SHQ1: variants seen among roughly 807,000 people sequenced by gnomAD.
The protein encoded by SHQ1 is SHQ1, H/ACA ribonucleoprotein assembly factor, also known as protein SHQ1 homolog.
In SHQ1, 49 loss-of-function variants were observed where a neutral mutation model predicts 53.8. That is an observed-to-expected ratio of 0.91 (90% CI 0.72 to 1.16). The LOEUF is 1.16. Ranked by LOEUF, SHQ1 falls within the 50% of genes most tolerant of loss-of-function variation. The pLI is 0.00. For missense variants in SHQ1, 738 were observed against 683.1 expected, an observed-to-expected ratio of 1.08 and a Z score of -0.90; for synonymous variants, 243 against 251.0, an observed-to-expected ratio of 0.97 and a Z score of 0.30.
chr3:72,788,501 G>A (rs1052369905), intron 10 of SHQ1, among the ~76,000 whole-genome samples: 2 of 152,062 alleles, frequency 1.3e-5, no homozygotes, highest in African/African-American at 2.4e-5. Context: ...CGGGAGGTAG[G>A]GGGGGCGCCT....
At chr3:72,834,019 A>G (rs1707917452) in intron 4 of SHQ1, among the ~76,000 whole-genome samples, 1 of 152,278 alleles carries the variant, frequency 6.6e-6, no homozygotes, top group Admixed American at 6.5e-5. Flanking sequence ...AGGCAAGTTT[A>G]AAAGTTGATG....
intron 10 of SHQ1, among the ~76,000 whole-genome samples, chr3:72,776,071 A>G (rs193209152): frequency 1.3e-3 from 192 of 152,376 alleles, no homozygotes; most frequent in African/African-American, 4.3e-3. Context: ...TAAAGACTGA[A>G]AAGGAAGAAA....
rs185430467 is a variant in SHQ1, at chr3:72,754,278, G to A, written c.1182-3442C>T. Among the ~76,000 whole-genome samples, 6 of 152,136 alleles carry A rather than the reference G, an allele frequency of 3.9e-5. No homozygotes were observed. The East Asian group carries it at 5.8e-4, about 15-fold the overall frequency. ...CACTCAGCCAACAAGGGGCGGTCAC[G>A]ACTGGAAACCCAAGCCTCAAAACTC... On this transcript the variant is annotated intron_variant, in intron 10 of 10. Transcript: ENST00000325599.
rs187599687 is a variant in SHQ1 at position 72,841,512 on chromosome 3, T to C, written c.332-313A>G. The stretch of plus-strand genomic sequence containing the variant: ...AAGAACACATACTGTATGATCTACA[T>C]ATGCAACGTAAAAACAGGCAAAACA... On this transcript the variant is annotated intron_variant, in intron 3 of 10. Transcript: ENST00000325599. Among the ~76,000 whole-genome samples, 293 of 152,232 alleles carry C rather than the reference T, an allele frequency of 1.9e-3. 2 individuals carry two copies. The highest frequency in any genetic ancestry group is 6.6e-3 in the African/African-American group (276 of 41,556).
Position 72,751,496 on chromosome 3 carries a change from G to A in SHQ1, c.1182-660C>T, listed in dbSNP as rs1390815550. ...CACATATGTGTGTGTGTGTGTGTGT[G>A]TGTGTGTGTGTGTATATATATATAT... On this transcript the variant is annotated intron_variant, in intron 10 of 10. Transcript: ENST00000325599. 1.9e-3 allele frequency among the ~76,000 whole-genome samples: 217 copies of A among 117,078 alleles called. 2 individuals carry two copies. The highest frequency in any genetic ancestry group is 7.3e-3 in the African/African-American group (169 of 23,310). 76.8% of individuals were successfully genotyped at this position (117,078 alleles called of 152,430 possible). A position where few individuals can be genotyped will look rare whatever the true frequency, so the allele number is the denominator to read the frequency against.
At chr3:72,737,559 C>G in the SHQ1 span, among the ~76,000 whole-genome samples, 1 of 152,234 alleles carries the variant, frequency 6.6e-6, no homozygotes, top group East Asian at 1.9e-4. Context: ...CAAAATTTGC[C>G]AATGCTCAAG....
At chr3:72,826,809 G>C (rs1015703425) in intron 5 of SHQ1, among the ~76,000 whole-genome samples, 3 of 152,196 alleles carry the variant, frequency 2.0e-5, no homozygotes, top group Non-Finnish European at 4.4e-5. Flanking sequence ...AAAAAAAGTT[G>C]AAAGAAGCTG....
intron 6 of SHQ1, among the ~76,000 whole-genome samples, chr3:72,822,015 C>T (rs1707492822): frequency 6.6e-6 from 1 of 152,168 alleles, no homozygotes; most frequent in Non-Finnish European, 1.5e-5. Flanking sequence ...TGATTTTACT[C>T]TACAATAATA....
intron 10 of SHQ1, among the ~76,000 whole-genome samples, chr3:72,787,443 AAAG>A (rs1378715363): frequency 1.3e-5 from 2 of 152,208 alleles, no homozygotes; most frequent in Non-Finnish European, 2.9e-5. Flanking sequence ...AGCAAAAACA[AAAG>A]AACACCGTTC....
At chr3:72,738,288 C>CAA in the SHQ1 span, among the ~76,000 whole-genome samples, 1 of 152,084 alleles carries the variant, frequency 6.6e-6, no homozygotes, top group African/African-American at 2.4e-5. Context: ...CTGCTGAAAA[C>CAA]GAGGCAAGGT....
At chr3:72,745,834 T>C (rs1705249249), downstream of SHQ1, among the ~76,000 whole-genome samples, 1 of 150,038 alleles carries the variant, frequency 6.7e-6, no homozygotes, top group Non-Finnish European at 1.5e-5. Context: ...CCTGATCTCA[T>C]CTATTCCTTT....
Position 72,842,342 on chromosome 3 carries a change from A to G in SHQ1, c.269T>C (p.Met90Thr). The G allele has an allele frequency of 6.2e-7, 1 of 1,614,006 alleles. No homozygotes were observed. The highest frequency in any genetic ancestry group is 8.5e-7 in the Non-Finnish European group (1 of 1,179,900). ...TCTTGGTGCCAGAAGAGCAGTTAAC[A>G]TGTTCAGCCCCTCAAAATGCTGGCC... ...TPGQHFEGLN[M>T]LTALLAPRKS... The change falls in exon 3 of 11, where the codon ATG becomes ACG. Residue 90 changes from methionine (M) to threonine (T), a missense_variant. By Grantham distance (81) the Met-to-Thr change is moderately conservative. Transcript: ENST00000325599.
rs1263643055 is a variant in SHQ1 at position 72,817,285 on chromosome 3, A to G, written c.827T>C (p.Ile276Thr). 2 of 1,613,708 alleles carry G rather than the reference A, an allele frequency of 1.2e-6. No individual in the cohort carries two copies. Among genetic ancestry groups the G allele is most frequent in the Admixed American group, 1.7e-5 (1 of 59,994 alleles). ...RACRQVCYSL[I>T]DILLAYCYET... The stretch of plus-strand genomic sequence containing the variant: ...ATAGCAATATGCCAGAAGGATATCA[A>G]TCAAACTGTAGCACACTTGACGACA... Residue 276 changes from isoleucine to threonine, a missense_variant, in exon 7 of 11, where the codon ATT (isoleucine) becomes ACT (threonine). Ile to Thr is a moderately conservative substitution (Grantham distance 89, BLOSUM62 -1). Coordinates refer to ENST00000325599, the MANE Select transcript of SHQ1 (RefSeq NM_018130.3).
intron 6 of SHQ1, among the ~76,000 whole-genome samples, chr3:72,819,975 T>C (rs1707427352): frequency 6.6e-6 from 1 of 152,212 alleles, no homozygotes; most frequent in African/African-American, 2.4e-5. Context: ...TAGGTATGGT[T>C]TTTGAGATGT....
rs556768844 is a variant in SHQ1 at position 72,802,831 on chromosome 3, AC to A, written c.1061-9796del. On this transcript the variant is annotated intron_variant, in intron 9 of 10. Transcript: ENST00000325599. Reference sequence around the variant, plus strand: ...TGAAATCCTATCACTCATCTCCTCCACCCTGACCAGGCTCTGGCTGACAAGA... The same window carrying A: ...TGAAATCCTATCACTCATCTCCTCCACCTGACCAGGCTCTGGCTGACAAGA... Among the ~76,000 whole-genome samples the A allele has an allele frequency of 3.0e-4, 46 of 152,222 alleles. 1 individual carries two copies. The South Asian group carries it at 4.4e-3, about 14-fold the overall frequency.
chr3:72,811,775 T>C (rs1460076481), intron 9 of SHQ1, among the ~76,000 whole-genome samples: 2 of 152,174 alleles, frequency 1.3e-5, no homozygotes, highest in East Asian at 3.9e-4. Context: ...TTTAGGCCAG[T>C]GAAGTCACCT....
At chr3:72,804,416 A>ACCCCC in intron 9 of SHQ1, among the ~76,000 whole-genome samples, 1 of 150,678 alleles carries the variant, frequency 6.6e-6, no homozygotes, top group Admixed American at 6.6e-5. Context: ...CTCCTCCGGC[A>ACCCCC]CCACCCCCCC....
chr3:72,848,425 C>T lies in SHQ1; in HGVS notation c.-85G>A, dbSNP rs1190849140. On this transcript the variant is annotated 5_prime_UTR_variant, in exon 1 of 11. Coordinates refer to ENST00000325599, the MANE Select transcript of SHQ1 (RefSeq NM_018130.3). ...CGCAAACTCTCCAACTCCCCACGCGCAGGAACTCTCGGTGTGAGGGACGGA... is the reference window on the plus strand; with the variant it reads ...CGCAAACTCTCCAACTCCCCACGCGTAGGAACTCTCGGTGTGAGGGACGGA... The T allele has an allele frequency of 1.3e-5, 20 of 1,560,964 alleles. No homozygotes were observed. Among genetic ancestry groups the T allele is most frequent in the African/African-American group, 4.1e-5 (3 of 73,116 alleles).
chr3:72,816,982 C>G (rs556559021), intron 7 of SHQ1, among the ~76,000 whole-genome samples: 2 of 152,284 alleles, frequency 1.3e-5, no homozygotes, highest in East Asian at 3.9e-4. Context: ...GTTTCACTCC[C>G]TTAAACTTCC....
Sources: allele counts gnomAD v4.1 joint callset (sites outside exome capture counted in the v4.1 genomes callset), GRCh38; gene constraint gnomAD v4.1.1; transcripts MANE v1.5; gene names NCBI Gene and HGNC (gene_info 2026-07-23, HGNC 2026-07-21).